Variants in PDCD4 observed in about 807,000 individuals in gnomAD.
PDCD4 encodes the protein programmed cell death 4, also known as programmed cell death protein 4.
In PDCD4, 56 loss-of-function variants were observed where a neutral mutation model predicts 54.0. The observed-to-expected ratio is 1.04, with a 90% CI of 0.84 to 1.30. PDCD4 has a LOEUF of 1.30. Among genes scored for constraint, PDCD4 ranks in the 50% most tolerant of loss-of-function variants. The pLI is 0.00. For missense variants in PDCD4, 584 were observed against 559.8 expected (o/e 1.04, Z -0.44); for synonymous variants, 186 against 194.8 (o/e 0.95, Z 0.37).
At chr10:110,873,586 G>A (rs1394759739) in intron 1 of PDCD4, among the ~76,000 whole-genome samples, 1 of 152,128 alleles carries the variant, frequency 6.6e-6, no homozygotes, top group East Asian at 1.9e-4. Context: ...TGTATGTATA[G>A]TTTTCTCATC....
At position 110,898,019 on chromosome 10, in the gene PDCD4, TCA is replaced by T; in HGVS notation, c.1350-8_1350-7del. 1 of 1,573,752 alleles carries T rather than the reference TCA, an allele frequency of 6.4e-7. No homozygotes were observed. The highest frequency in any genetic ancestry group is 1.8e-5 in the Admixed American group (1 of 56,548). ...TCTGTTTTCATGTCTTTTTTTTTCTTCATTACAGGGGCAGAAAGCGTTTTGTA... is the reference window on the plus strand; with the variant it reads ...TCTGTTTTCATGTCTTTTTTTTTCTTTTACAGGGGCAGAAAGCGTTTTGTA... On this transcript the variant is annotated splice_polypyrimidine_tract_variant and splice_region_variant and intron_variant, in intron 11 of 11. Coordinates refer to ENST00000280154, the MANE Select transcript of PDCD4 (RefSeq NM_014456.5).
intron 7 of PDCD4, 51 bp downstream of exon 7, chr10:110,889,681 A>G (rs1302146663): frequency 4.0e-6 from 4 of 991,412 alleles, no homozygotes; most frequent in Non-Finnish European, 6.4e-6. Context: ...GGAAAATTCT[A>G]CAGGATCCTA....
At chr10:110,876,867 T>C in intron 2 of PDCD4, 1 of 394,290 alleles carries the variant, frequency 2.5e-6, no homozygotes, top group South Asian at 1.2e-4. Flanking sequence ...ATTGGTATAC[T>C]TTGGATAATT....
At chr10:110,875,911 A>T in intron 1 of PDCD4, 55 bp from the exon 2 acceptor site, 1 of 735,920 alleles carries the variant, frequency 1.4e-6, no homozygotes, top group Non-Finnish European at 2.2e-6. Context: ...AATTCAGCTT[A>T]ATTACATCAG....
chr10:110,877,779 C>T (rs1045333163), intron 2 of PDCD4, among the ~76,000 whole-genome samples: 1 of 152,186 alleles, frequency 6.6e-6, no homozygotes, highest in Non-Finnish European at 1.5e-5. Flanking sequence ...CCAAGTCACA[C>T]TCTTACTCTT....
Position 110,898,351 on chromosome 10 carries a change from C to G in PDCD4, c.*263C>G, listed in dbSNP as rs1845882646. ...TCTAATAAGCTACCTTTTGTAAGTG[C>G]CATGTTTATTATCTAATCATTCCAA... On this transcript the variant is annotated 3_prime_UTR_variant, in exon 12 of 12. Transcript: ENST00000280154. The G allele has an allele frequency of 3.6e-6, 1 of 277,354 alleles. No homozygotes were observed. The highest frequency in any genetic ancestry group is 6.6e-6 in the Non-Finnish European group (1 of 150,818). The allele number at this position is 277,354 out of a possible 1,614,324, so 17.2% of individuals were successfully genotyped here.
chr10:110,894,787 T>C (rs1292965362), intron 10 of PDCD4, among the ~76,000 whole-genome samples: 1 of 151,650 alleles, frequency 6.6e-6, no homozygotes, highest in Non-Finnish European at 1.5e-5. Context: ...GTTCGGTTTC[T>C]AAGATGTGAC....
chr10:110,876,858 T>C (rs1845513000), intron 2 of PDCD4: 2 of 399,688 alleles, frequency 5.0e-6, no homozygotes, highest in East Asian at 7.4e-5. Context: ...ACAGTTCATA[T>C]TGGTATACTT....
At chr10:110,888,553 A>G (rs1845705615) in intron 6 of PDCD4, among the ~76,000 whole-genome samples, 1 of 152,156 alleles carries the variant, frequency 6.6e-6, no homozygotes, top group African/African-American at 2.4e-5. Flanking sequence ...AAAAGCCAGA[A>G]AGAAGAAAGG....
intron 1 of PDCD4, among the ~76,000 whole-genome samples, chr10:110,873,341 G>T (rs1845451237): frequency 6.6e-6 from 1 of 152,222 alleles, no homozygotes; most frequent in Non-Finnish European, 1.5e-5. Context: ...GTTCGTAGCC[G>T]AAGAATGAAT....
intron 2 of PDCD4, chr10:110,880,224 T>C (rs1169525411): frequency 6.6e-6 from 1 of 152,266 alleles, no homozygotes; most frequent in Non-Finnish European, 1.5e-5. Flanking sequence ...TTGAAGCTTA[T>C]GACTTAGTTG....
intron 4 of PDCD4, among the ~76,000 whole-genome samples, chr10:110,883,864 A>T (rs1370951045): frequency 6.6e-6 from 1 of 151,370 alleles, no homozygotes; most frequent in Non-Finnish European, 1.5e-5. Flanking sequence ...TAACTAATAG[A>T]TATGGAAATA....
At chr10:110,892,864 C>G (rs1302050639) in intron 8 of PDCD4, among the ~76,000 whole-genome samples, 3 of 152,156 alleles carry the variant, frequency 2.0e-5, no homozygotes, top group African/African-American at 7.2e-5. Context: ...ATCCTGAAAG[C>G]TCTATTCATA....
At chr10:110,894,841 T>C (rs1845807774) in intron 10 of PDCD4, among the ~76,000 whole-genome samples, 2 of 151,908 alleles carry the variant, frequency 1.3e-5, no homozygotes, top group African/African-American at 4.8e-5. Context: ...CCTTTAACTT[T>C]TAACAAATTA....
At chr10:110,873,648 G>A (rs1235788060) in intron 1 of PDCD4, among the ~76,000 whole-genome samples, 1 of 152,030 alleles carries the variant, frequency 6.6e-6, no homozygotes, top group Non-Finnish European at 1.5e-5. Flanking sequence ...TGGATTTTTT[G>A]CTTTATATTT....
chr10:110,898,759 A>G lies in PDCD4; in HGVS notation c.*671A>G, dbSNP rs1486371655. ...GCAGTATTGATTCTTTATTGGGAGT[A>G]CATTTTTTTAGGTCTCTTAAACTTT... On this transcript the variant is annotated 3_prime_UTR_variant, in exon 12 of 12. Transcript: ENST00000280154. 6.6e-6 allele frequency: 1 copy of G among 152,638 alleles called. No homozygotes were observed. Among genetic ancestry groups the G allele is most frequent in the Non-Finnish European group, 1.5e-5 (1 of 68,026 alleles). 9.5% of individuals were successfully genotyped at this position (152,638 alleles called of 1,614,324 possible). A position where few individuals can be genotyped will look rare whatever the true frequency, so the allele number is the denominator to read the frequency against.
chr10:110,883,244 A>G, intron 4 of PDCD4, 147 bp downstream of exon 4: 1 of 574,200 alleles, frequency 1.7e-6, no homozygotes, highest in Non-Finnish European at 3.0e-6. Flanking sequence ...ATACATGCAT[A>G]ACTTTCACTT....
chr10:110,897,939 G>T (rs550492918), intron 11 of PDCD4, 89 bp from the exon 12 acceptor site: 2 of 888,376 alleles, frequency 2.3e-6, no homozygotes, highest in South Asian at 2.1e-5. Flanking sequence ...AACACGTAAC[G>T]AAAAAATACC....
intron 11 of PDCD4, among the ~76,000 whole-genome samples, 190 bp downstream of exon 11, chr10:110,896,277 C>T (rs1217559431): frequency 1.3e-5 from 2 of 152,094 alleles, no homozygotes; most frequent in African/African-American, 2.4e-5. Flanking sequence ...TCATGAAGTC[C>T]TAGTTTATTT....
Sources: allele counts gnomAD v4.1 joint callset (sites outside exome capture counted in the v4.1 genomes callset), GRCh38; gene constraint gnomAD v4.1.1; transcripts MANE v1.5; gene names NCBI Gene and HGNC (gene_info 2026-07-23, HGNC 2026-07-21).